SETD2: variants seen among roughly 807,000 people sequenced by gnomAD.
SETD2 encodes the protein histone-lysine N-methyltransferase SETD2.
Under a neutral mutation model 242.1 loss-of-function variants are expected in SETD2, and 31 were observed. That is an observed-to-expected ratio of 0.13 (90% CI 0.10 to 0.17). The LOEUF (loss-of-function observed/expected upper bound fraction) is 0.17, where lower values mean the gene tolerates loss of function less well. Among genes scored for constraint, SETD2 ranks in the 10% least tolerant of loss-of-function variants. SETD2 has a pLI of 1.00. For missense variants in SETD2, 2,481 were observed against 3,046.3 expected (o/e 0.81, Z 4.37); for synonymous variants, 1,006 against 1,066.5 (o/e 0.94, Z 1.11).
chr3:47,067,305 T>C (rs1176562135), intron 12 of SETD2, among the ~76,000 whole-genome samples, 187 bp from the exon 13 acceptor site: 2 of 150,884 alleles, frequency 1.3e-5, no homozygotes, highest in East Asian at 1.9e-4. Flanking sequence ...CAAGAAAAAA[T>C]ATATAGCAGA....
At chr3:47,156,999 G>T (rs1442984091) in intron 1 of SETD2, among the ~76,000 whole-genome samples, 1 of 151,846 alleles carries the variant, frequency 6.6e-6, no homozygotes, top group Non-Finnish European at 1.5e-5. Context: ...CAGGTGCAGT[G>T]GCTCACGACT....
intron 10 of SETD2, among the ~76,000 whole-genome samples, chr3:47,086,910 T>C (rs908326283): frequency 6.6e-6 from 1 of 151,874 alleles, no homozygotes; most frequent in Admixed American, 6.6e-5. Context: ...TGTGGTGGTG[T>C]GTGCCTGTAG....
chr3:47,032,461 G>A (rs1358758141), intron 18 of SETD2, among the ~76,000 whole-genome samples: 3 of 151,540 alleles, frequency 2.0e-5, no homozygotes, highest in Admixed American at 2.0e-4. Context: ...TCCAGCCTGG[G>A]AAACAGAGTG....
intron 14 of SETD2, among the ~76,000 whole-genome samples, chr3:47,059,312 C>T (rs999555305): frequency 6.6e-6 from 1 of 151,236 alleles, no homozygotes; most frequent in African/African-American, 2.4e-5. Context: ...AGACAGGTTT[C>T]ACCATGTTGG....
intron 12 of SETD2, among the ~76,000 whole-genome samples, chr3:47,083,087 G>C (rs927775611): frequency 3.3e-5 from 5 of 152,156 alleles, no homozygotes; most frequent in Non-Finnish European, 7.4e-5. Flanking sequence ...CCAAGACTCA[G>C]TCTGGGTTTT....
intron 13 of SETD2, among the ~76,000 whole-genome samples, chr3:47,063,407 T>C (rs2040424553): frequency 6.6e-6 from 1 of 151,994 alleles, no homozygotes; most frequent in African/African-American, 2.4e-5. Context: ...AGCCCAGGCA[T>C]TCTAGGCTGC....
chr3:47,046,377 G>A (rs987567396), intron 16 of SETD2, 110 bp downstream of exon 16: 13 of 849,410 alleles, frequency 1.5e-5, no homozygotes, highest in African/African-American at 1.1e-4. Context: ...CAAAGAACAC[G>A]TGAAAAAAAA....
At chr3:47,081,209 G>T in intron 12 of SETD2, 1 of 415,398 alleles carries the variant, frequency 2.4e-6, no homozygotes, top group Non-Finnish European at 3.2e-6. Flanking sequence ...CCTATAGTCT[G>T]CCATCACAGC....
intron 8 of SETD2, among the ~76,000 whole-genome samples, chr3:47,100,735 G>A (rs2042177205): frequency 6.6e-6 from 1 of 151,874 alleles, no homozygotes; most frequent in Non-Finnish European, 1.5e-5. Flanking sequence ...ACCAGGCCGG[G>A]CGCAGTGGCT....
rs942266422 is a variant in SETD2 at position 47,122,904 on chromosome 3, A to T, written c.1732T>A (p.Leu578Ile). The change falls in exon 3 of 21, where the codon TTA (leucine) becomes ATA (isoleucine). Residue 578 changes from leucine to isoleucine, a missense_variant. This residue lies in a region of SETD2 where 1,300 missense variants were observed against 1,259.2 expected (regional missense o/e 1.03). Transcript: ENST00000409792. ...KFKNSFCCTE[L>I]NEEIKQSHSF... ...TGAGACTGTTTGATTTCTTCATTTAATTCTGTACAACAGAAAGAATTTTTA... is the reference window on the plus strand; with the variant it reads ...TGAGACTGTTTGATTTCTTCATTTATTTCTGTACAACAGAAAGAATTTTTA... The T allele has an allele frequency of 1.2e-6, 2 of 1,610,452 alleles. No individual in the cohort carries two copies. Among genetic ancestry groups the T allele is most frequent in the Non-Finnish European group, 1.7e-6 (2 of 1,178,442 alleles).
At chr3:47,075,283 G>C (rs2041008824) in intron 12 of SETD2, among the ~76,000 whole-genome samples, 1 of 152,058 alleles carries the variant, frequency 6.6e-6, no homozygotes, top group South Asian at 2.1e-4. Flanking sequence ...AAAAAGGCTG[G>C]GCGCGGTGGC....
At chr3:47,099,048 G>A (rs1425883294) in intron 8 of SETD2, among the ~76,000 whole-genome samples, 5 of 152,046 alleles carry the variant, frequency 3.3e-5, no homozygotes, top group African/African-American at 7.3e-5. Context: ...AGACAGAATC[G>A]GAAACAACCA....
In SETD2 at chr3:47,019,776, T is replaced by G; in HGVS notation, c.7415A>C (p.Glu2472Ala). Reference protein sequence around the residue: ...TSSELAKKSKEVFRKEMSQFI... With the variant: ...TSSELAKKSKAVFRKEMSQFI... ...AAACCTTACCTCTTTTCTGAATACT[T>G]CTTTGCTTTTCTTTGCTAGTTCACT... Residue 2472 changes from glutamate to alanine, a missense_variant, in exon 19 of 21, where the codon GAA becomes GCA. Transcript: ENST00000409792. The G allele has an allele frequency of 6.2e-7, 1 of 1,613,894 alleles. No individual in the cohort carries two copies. Among genetic ancestry groups the G allele is most frequent in the Non-Finnish European group, 8.5e-7 (1 of 1,179,800 alleles).
At chr3:47,065,535 A>C (rs1256215157) in intron 13 of SETD2, among the ~76,000 whole-genome samples, 1 of 152,168 alleles carries the variant, frequency 6.6e-6, no homozygotes, top group African/African-American at 2.4e-5. Flanking sequence ...ATAGTGGCTT[A>C]CATCTGTGAT....
At chr3:47,041,660 C>G (rs2039287018) in intron 17 of SETD2, among the ~76,000 whole-genome samples, 1 of 152,044 alleles carries the variant, frequency 6.6e-6, no homozygotes, top group South Asian at 2.1e-4. Flanking sequence ...CACAGAGACA[C>G]ACACACACAA....
chr3:47,137,933 C>T (rs1021364258), intron 1 of SETD2, among the ~76,000 whole-genome samples: 1 of 151,880 alleles, frequency 6.6e-6, no homozygotes, highest in African/African-American at 2.4e-5. Flanking sequence ...AGGTGATCCA[C>T]CCGCCTCAGT....
In SETD2 at chr3:47,157,873, C is replaced by T. The variant is rs1002939854; in HGVS notation, c.71+5981G>A. Among the ~76,000 whole-genome samples, 23 of 116,800 alleles carry T rather than the reference C, an allele frequency of 2.0e-4. 1 individual carries two copies. Among genetic ancestry groups the T allele is most frequent in the Non-Finnish European group, 3.6e-4 (20 of 55,234 alleles). The allele number at this position is 116,800 out of a possible 152,430, so 76.6% of individuals were successfully genotyped here. ...GGGCAACAAGAGCAAAACTCCATCT[C>T]AAAAAAAAAAAAGAAAAGAAAAAAA... On this transcript the variant is annotated intron_variant, in intron 1 of 20. Coordinates refer to ENST00000409792, the MANE Select transcript of SETD2 (RefSeq NM_014159.7).
chr3:47,117,368 T>C (rs968295400), intron 3 of SETD2, among the ~76,000 whole-genome samples: 1 of 151,196 alleles, frequency 6.6e-6, no homozygotes. Flanking sequence ...ATTCTGGAAC[T>C]CAGCCCTTAT....
intron 9 of SETD2, among the ~76,000 whole-genome samples, chr3:47,089,991 C>T (rs943861179): frequency 1.3e-5 from 2 of 152,136 alleles, no homozygotes; most frequent in African/African-American, 2.4e-5. Flanking sequence ...CTCATGTCTA[C>T]AATCCCAGAA....
Sources: gnomAD v4.1 joint callset for allele counts (sites outside exome capture counted in the v4.1 genomes callset) on GRCh38, gnomAD v4.1.1 for gene constraint, gnomAD v4.1.1 regional missense constraint, MANE v1.5 for transcripts, NCBI Gene and HGNC (gene_info 2026-07-23, HGNC 2026-07-21) for gene names.